Variants in CEP89 observed in about 807,000 individuals in gnomAD.
The protein encoded by CEP89 is centrosomal protein of 89 kDa.
In CEP89, 95 loss-of-function variants were observed where a neutral mutation model predicts 97.6. The observed-to-expected ratio is 0.97, with a 90% CI of 0.82 to 1.15. CEP89 has a LOEUF of 1.15. CEP89 is among the 50% of genes most tolerant of loss of function. The pLI is 0.00. For missense variants in CEP89, 869 were observed against 947.7 expected (o/e 0.92, Z 1.09); for synonymous variants, 354 against 349.1 (o/e 1.01, Z -0.16).
At chr19:32,971,546 C>G in intron 1 of CEP89, 4 of 578,522 alleles carry the variant, frequency 6.9e-6, no homozygotes, top group Non-Finnish European at 1.2e-5. Flanking sequence ...AGTCTCAGCT[C>G]CTCGGGAGGC....
In CEP89 at chr19:32,971,916, A is replaced by G. The variant is rs1302450523; in HGVS notation, c.-42T>C. On this transcript the variant is annotated 5_prime_UTR_variant, in exon 1 of 19. Transcript: ENST00000305768. ...GAATGGACCGGGGCCTGGACTCATC[A>G]GCAGATCTATCCACAGCCAGGGACC... is the stretch of plus-strand genomic sequence containing the variant. 3.8e-6 allele frequency: 6 copies of G among 1,567,434 alleles called. No homozygotes were observed. The highest frequency in any genetic ancestry group is 4.3e-6 in the Non-Finnish European group (5 of 1,154,736).
chr19:32,887,227 T>G (rs976911509), intron 17 of CEP89, among the ~76,000 whole-genome samples: 3 of 149,844 alleles, frequency 2.0e-5, no homozygotes, highest in Admixed American at 6.7e-5. Flanking sequence ...TTGGTTTTGG[T>G]TTTTTTTTGA....
intron 16 of CEP89, among the ~76,000 whole-genome samples, chr19:32,896,764 TG>T (rs2145882482): frequency 6.6e-6 from 1 of 151,668 alleles, no homozygotes; most frequent in South Asian, 2.1e-4. Context: ...CAGTTCTCTC[TG>T]TCTCTCTCTC....
chr19:32,917,839 T>G lies in CEP89; in HGVS notation c.1384+385A>C, dbSNP rs543310879. ...GAAGGAAGGAAGGACACAGGGGAAC[T>G]GTTTAGAAAGTGAATGGTTCTGCTT... On this transcript the variant is annotated intron_variant, in intron 13 of 18. Coordinates refer to ENST00000305768, the MANE Select transcript of CEP89 (RefSeq NM_032816.5). 672 of 978,436 alleles carry G rather than the reference T, an allele frequency of 6.9e-4. 2 individuals carry two copies. The highest frequency in any genetic ancestry group is 7.8e-4 in the Non-Finnish European group (642 of 823,536). The allele number at this position is 978,436 out of a possible 1,614,324, so 60.6% of individuals were successfully genotyped here. A position where few individuals can be genotyped will look rare whatever the true frequency, so the allele number is the denominator to read the frequency against.
intron 16 of CEP89, among the ~76,000 whole-genome samples, chr19:32,896,063 T>TG (rs1327034016): frequency 6.6e-6 from 1 of 152,204 alleles, no homozygotes; most frequent in African/African-American, 2.4e-5. Context: ...GCAGATTCAG[T>TG]GCAATCCCTA....
chr19:32,887,646 G>A (rs1221183034), intron 17 of CEP89, 106 bp downstream of exon 17: 1 of 694,204 alleles, frequency 1.4e-6, no homozygotes, highest in Non-Finnish European at 2.6e-6. Flanking sequence ...TGGACTATTA[G>A]TGATGCACAT....
chr19:32,928,951 G>C (rs559539339), intron 9 of CEP89, among the ~76,000 whole-genome samples: 2 of 152,122 alleles, frequency 1.3e-5, no homozygotes, highest in Non-Finnish European at 2.9e-5. Context: ...GCTGCCTGCT[G>C]TTCGACATCT....
chr19:32,968,543 T>A (rs1167620243), intron 1 of CEP89, among the ~76,000 whole-genome samples: 1 of 152,210 alleles, frequency 6.6e-6, no homozygotes, highest in East Asian at 1.9e-4. Context: ...CCACTGCACC[T>A]GGCCAGAAAA....
intron 1 of CEP89, among the ~76,000 whole-genome samples, chr19:32,967,684 C>T (rs1971313430): frequency 6.6e-6 from 1 of 152,322 alleles, no homozygotes; most frequent in Admixed American, 6.5e-5. Context: ...GGCGTTTAGA[C>T]TGGGCTTTCA....
chr19:32,925,003 C>A (rs1397121349), intron 11 of CEP89, among the ~76,000 whole-genome samples: 1 of 152,138 alleles, frequency 6.6e-6, no homozygotes, highest in African/African-American at 2.4e-5. Flanking sequence ...GTACAAGATT[C>A]ATTCATGCTC....
rs1363998033 is a variant in CEP89, at chr19:32,942,091, T to C, written c.596-2206A>G. ...TTACATGAAATAGAATGGCAAAAGG[T>C]TGACAGCTGGTCGGGCACACTGGCA... On this transcript the variant is annotated intron_variant, in intron 5 of 18. Transcript: ENST00000305768. 9.5e-4 allele frequency among the ~76,000 whole-genome samples: 145 copies of C among 152,196 alleles called. 1 individual carries two copies. The highest frequency in any genetic ancestry group is 2.1e-4 in the Non-Finnish European group (14 of 68,000).
chr19:32,947,590 A>C (rs961247112), intron 5 of CEP89, among the ~76,000 whole-genome samples: 1 of 152,142 alleles, frequency 6.6e-6, no homozygotes, highest in Non-Finnish European at 1.5e-5. Context: ...TCCAGGGCTC[A>C]AGCAATCCTC....
chr19:32,971,250 G>A (rs113309006), intron 1 of CEP89: 4 of 369,888 alleles, frequency 1.1e-5, no homozygotes, highest in African/African-American at 8.4e-5. Context: ...GGTGGGTGGA[G>A]GAGGGAAAAA....
intron 7 of CEP89, among the ~76,000 whole-genome samples, chr19:32,934,424 G>A (rs1351504884): frequency 2.0e-5 from 3 of 152,192 alleles, no homozygotes; most frequent in East Asian, 1.9e-4. Context: ...GGAAACCAGC[G>A]CTGTTCCACG....
intron 16 of CEP89, among the ~76,000 whole-genome samples, chr19:32,899,314 T>G (rs901831207): frequency 6.6e-6 from 1 of 151,998 alleles, no homozygotes; most frequent in Non-Finnish European, 1.5e-5. Flanking sequence ...AATTTTTTTT[T>G]GTAGAGATGG....
At chr19:32,963,522 T>A (rs1048044910) in intron 2 of CEP89, 4 of 152,146 alleles carry the variant, frequency 2.6e-5, no homozygotes, top group Admixed American at 2.6e-4. Context: ...AGGAGGGCAA[T>A]AAGAAGGGTT....
intron 12 of CEP89, among the ~76,000 whole-genome samples, chr19:32,919,906 A>G (rs996244883): frequency 1.6e-4 from 24 of 152,336 alleles, no homozygotes; most frequent in African/African-American, 5.5e-4. Flanking sequence ...TTGGCCTCCC[A>G]AAGTGCTGGG....
At chr19:32,925,317 C>G (rs888789498) in intron 11 of CEP89, among the ~76,000 whole-genome samples, 6 of 152,136 alleles carry the variant, frequency 3.9e-5, no homozygotes, top group African/African-American at 1.4e-4. Flanking sequence ...GAAGTCATTC[C>G]CACAAAACGG....
intron 12 of CEP89, among the ~76,000 whole-genome samples, chr19:32,918,878 C>CTTTTCTTTTTTTTTTT (rs1568559832): frequency 9.0e-6 from 1 of 110,842 alleles, no homozygotes; most frequent in Non-Finnish European, 1.9e-5. Flanking sequence ...TTTTCTTTTT[C>CTTTTCTTTTTTTTTTT]TTTTTCTTTT....
Sources: gnomAD v4.1 joint callset for allele counts (sites outside exome capture counted in the v4.1 genomes callset) on GRCh38, gnomAD v4.1.1 for gene constraint, MANE v1.5 for transcripts, NCBI Gene and HGNC (gene_info 2026-07-23, HGNC 2026-07-21) for gene names.